Variants in NBPF12 observed in about 807,000 individuals in gnomAD.
NBPF12 encodes the protein NBPF member 12.
In NBPF12, 115 loss-of-function variants were observed where a neutral mutation model predicts 146.4. The ratio of observed to expected loss-of-function variants is 0.79; its 90% CI spans 0.68 to 0.92. The LOEUF (loss-of-function observed/expected upper bound fraction) is 0.92, where lower values mean the gene tolerates loss of function less well. Among genes scored for constraint, NBPF12 ranks in the 40% least tolerant of loss-of-function variants. The pLI is 0.00. For synonymous variants in NBPF12, 385 were observed against 508.9 expected, an observed-to-expected ratio of 0.76 and a Z score of 3.28; for missense variants, 1,205 against 1,326.8, an observed-to-expected ratio of 0.91 and a Z score of 1.43.
rs1458189007 is a variant in NBPF12 at position 146,960,680 on chromosome 1, A to G, written c.175+362A>G. Among the ~76,000 whole-genome samples, 14 of 152,052 alleles carry G rather than the reference A, an allele frequency of 9.2e-5. No homozygotes were observed. The South Asian group carries it at 1.2e-3, about 14-fold the overall frequency. On this transcript the variant is annotated intron_variant, in intron 4 of 33. Transcript: ENST00000617844. ...ATCTAGTCTGTTGTTCTAAATGTCTAGGACTAGTGAACTTTTATTCAGTTC... is the reference window on the plus strand; with the variant it reads ...ATCTAGTCTGTTGTTCTAAATGTCTGGGACTAGTGAACTTTTATTCAGTTC...
At chr1:146,967,129 G>C (rs1215528667) in intron 9 of NBPF12, among the ~76,000 whole-genome samples, 96 of 150,856 alleles carry the variant, frequency 6.4e-4, no homozygotes, top group Middle Eastern at 3.4e-3. Context: ...GGTGATAGTA[G>C]CCAGTACCCG....
rs1657498604 is a variant in NBPF12, at chr1:146,983,199, G to A, written c.2614+108G>A. 8 of 1,477,798 alleles carry A rather than the reference G, an allele frequency of 5.4e-6. No homozygotes were observed. The Admixed American group carries it at 1.1e-4, about 21-fold the overall frequency. 91.5% of individuals were successfully genotyped at this position (1,477,798 alleles called of 1,614,324 possible). On this transcript the variant is annotated intron_variant, in intron 20 of 33. Transcript: ENST00000617844. ...TTGGGCTGAGAGTTGCCATCACTGT[G>A]GGCTGAACCTATATATCAATGTAGA...
chr1:146,975,293 T>C (rs1656913570), intron 15 of NBPF12, among the ~76,000 whole-genome samples: 2 of 128,732 alleles, frequency 1.6e-5, no homozygotes, highest in East Asian at 5.5e-4. Flanking sequence ...TATCTGCATC[T>C]GGCCTCATTT....
At chr1:146,973,702 C>T (rs1358386268) in intron 14 of NBPF12, among the ~76,000 whole-genome samples, 14 of 148,010 alleles carry the variant, frequency 9.5e-5, no homozygotes, top group African/African-American at 3.3e-4. Context: ...GCAGTAGAAT[C>T]CTTTGAACCC....
chr1:146,940,040 G>A (rs1222689294), intron 1 of NBPF12, among the ~76,000 whole-genome samples: 1 of 151,440 alleles, frequency 6.6e-6, no homozygotes, highest in Non-Finnish European at 1.5e-5. Flanking sequence ...TTACAGTGTT[G>A]TTCATCCTTT....
At chr1:146,946,398 G>A (rs1437156842), upstream of NBPF12, among the ~76,000 whole-genome samples, 6 of 150,946 alleles carry the variant, frequency 4.0e-5, no homozygotes, top group East Asian at 5.8e-4. Context: ...ATAGGTTTAC[G>A]GTGATATCTC....
At position 146,966,577 on chromosome 1, in the gene NBPF12, C is replaced by T. The variant is rs1254086746; in HGVS notation, c.892C>T (p.Gln298Ter). 5 of 1,426,934 alleles carry T rather than the reference C, an allele frequency of 3.5e-6. No individual in the cohort carries two copies. Among genetic ancestry groups the T allele is most frequent in the East Asian group, 2.3e-5 (1 of 43,960 alleles). 88.4% of individuals were successfully genotyped at this position (1,426,934 alleles called of 1,614,324 possible). A position where few individuals can be genotyped will look rare whatever the true frequency, so the allele number is the denominator to read the frequency against. ...AGAAATCAATGAGAAGTTGCGCCCC[C>T]AGCTGGCAGAGAAGAAACAGCAGTT... Residue 298 changes from glutamine to a stop codon, truncating the protein, a stop_gained, in exon 9 of 34, where the codon CAG becomes TAG. Transcript: ENST00000617844. LOFTEE classifies it high-confidence loss of function.
intron 7 of NBPF12, 81 bp downstream of exon 10, chr1:146,964,510 G>T: frequency 6.3e-7 from 1 of 1,589,388 alleles, no homozygotes; most frequent in Non-Finnish European, 8.6e-7. Flanking sequence ...TGGCATCTAT[G>T]GTGGGCCAAA....
intron 31 of NBPF12, among the ~76,000 whole-genome samples, chr1:146,992,427 G>A (rs1219797107): frequency 1.5e-5 from 2 of 134,950 alleles, no homozygotes; most frequent in Non-Finnish European, 3.1e-5. Flanking sequence ...ACAATTCACT[G>A]AGCTCGTTCT....
chr1:146,976,782 G>T, intron 16 of NBPF12, 147 bp from the exon 20 acceptor site: 5 of 575,566 alleles, frequency 8.7e-6, no homozygotes, highest in Non-Finnish European at 1.5e-5. Flanking sequence ...AACCATGCCA[G>T]GGCATTCTGT....
chr1:146,953,793 GT>G (rs1167423196), intron 2 of NBPF12, among the ~76,000 whole-genome samples: 3 of 148,774 alleles, frequency 2.0e-5, no homozygotes, highest in South Asian at 4.4e-4. Flanking sequence ...AATACCTGTT[GT>G]TACTCTTTTA....
At chr1:146,963,739 C>G (rs1656013383) in intron 6 of NBPF12, among the ~76,000 whole-genome samples, 1 of 149,520 alleles carries the variant, frequency 6.7e-6, no homozygotes, top group Admixed American at 6.7e-5. Context: ...CAAATTGTTT[C>G]TTGCAAGGGT....
chr1:146,980,517 C>G (rs1156435359), intron 19 of NBPF12, among the ~76,000 whole-genome samples: 1 of 151,644 alleles, frequency 6.6e-6, no homozygotes, highest in Non-Finnish European at 1.5e-5. Context: ...CTGGTGGTGA[C>G]AAAATCTCTC....
intron 6 of NBPF12, among the ~76,000 whole-genome samples, chr1:146,963,609 G>C (rs1402896197): frequency 2.0e-5 from 3 of 151,904 alleles, no homozygotes; most frequent in African/African-American, 7.3e-5. Context: ...TTGTTGGAGT[G>C]AAAAGAGCTC....
At position 146,980,453 on chromosome 1, in the gene NBPF12, C is replaced by T. The variant is rs1332621428; in HGVS notation, c.2450+1443C>T. Among the ~76,000 whole-genome samples, 894 of 151,902 alleles carry T rather than the reference C, an allele frequency of 5.9e-3. 17 individuals are homozygous for T. Among genetic ancestry groups the T allele is most frequent in the African/African-American group, 0.02 (843 of 41,314 alleles). ...GGCATGTTTTTGCAGTGGCTGGTAC[C>T]GGTTGTTCCTTTCCATGTTTAGTGC... On this transcript the variant is annotated intron_variant, in intron 19 of 33. Coordinates refer to ENST00000617844, the Ensembl canonical transcript of NBPF12.
At chr1:146,996,176 T>C (rs1442627852), downstream of NBPF12, 2 of 126,046 alleles carry the variant, frequency 1.6e-5, no homozygotes, top group Non-Finnish European at 3.2e-5. Flanking sequence ...CTGATGTGAA[T>C]TAATAAAAAC....
intron 19 of NBPF12, among the ~76,000 whole-genome samples, chr1:146,981,906 G>C (rs1175863107): frequency 8.4e-3 from 1,208 of 143,870 alleles, no homozygotes; most frequent in East Asian, 0.071. Flanking sequence ...GCTCCATCAG[G>C]TCATTTAAGG....
chr1:146,972,851 GA>G lies in NBPF12; in HGVS notation c.1694del (p.Lys565SerfsTer22). 2 of 1,273,884 alleles carry G rather than the reference GA, an allele frequency of 1.6e-6. No individual in the cohort carries two copies. Among genetic ancestry groups the G allele is most frequent in the Non-Finnish European group, 2.3e-6 (2 of 872,292 alleles). 78.9% of individuals were successfully genotyped at this position (1,273,884 alleles called of 1,614,324 possible). On this transcript the variant is annotated frameshift_variant, in exon 14 of 34. Coordinates refer to ENST00000617844, the Ensembl canonical transcript of NBPF12. LOFTEE classifies it high-confidence loss of function. Reference sequence around the variant, plus strand: ...AGATGAACATTCTAGAAATCAATGAGAAGTTGCGCCCCCAGCTGGCAGAGAA... The same window carrying G: ...AGATGAACATTCTAGAAATCAATGAGAGTTGCGCCCCCAGCTGGCAGAGAA...
chr1:146,950,641 T>C (rs1445061489), intron 1 of NBPF12, among the ~76,000 whole-genome samples: 32 of 151,432 alleles, frequency 2.1e-4, no homozygotes, highest in African/African-American at 7.1e-4. Context: ...ATGGCTCCTA[T>C]TGCACTCAAA....
Sources: allele counts gnomAD v4.1 joint callset (sites outside exome capture counted in the v4.1 genomes callset), GRCh38; gene constraint gnomAD v4.1.1; transcripts MANE v1.5; gene names NCBI Gene and HGNC (gene_info 2026-07-23, HGNC 2026-07-21).